SMC5: variants seen among roughly 807,000 people sequenced by gnomAD.
The protein encoded by SMC5 is structural maintenance of chromosomes protein 5.
SMC5 carries 88 observed loss-of-function variants against 148.3 expected under a neutral mutation model. The ratio of observed to expected loss-of-function variants is 0.59; its 90% CI spans 0.50 to 0.71. The LOEUF (loss-of-function observed/expected upper bound fraction) is 0.71, where lower values mean the gene tolerates loss of function less well. Ranked by LOEUF, SMC5 falls within the 30% of genes least tolerant of loss-of-function variation. SMC5 has a pLI of 0.00. For synonymous variants in SMC5, 421 were observed against 432.8 expected, an observed-to-expected ratio of 0.97 and a Z score of 0.34; for missense variants, 1,142 against 1,298.9, an observed-to-expected ratio of 0.88 and a Z score of 1.86.
chr9:70,286,490 T>C (rs535025326), intron 8 of SMC5, among the ~76,000 whole-genome samples: 4 of 152,278 alleles, frequency 2.6e-5, no homozygotes, highest in African/African-American at 9.6e-5. Flanking sequence ...CCTTATGATA[T>C]TTGTAGCTGG....
chr9:70,301,920 G>A (rs569152275), intron 10 of SMC5, among the ~76,000 whole-genome samples: 1 of 152,302 alleles, frequency 6.6e-6, no homozygotes, highest in South Asian at 2.1e-4. Flanking sequence ...ACAGAGTGCT[G>A]CGTCTCCTAT....
At chr9:70,265,361 A>G (rs1050846268) in intron 2 of SMC5, among the ~76,000 whole-genome samples, 1 of 152,186 alleles carries the variant, frequency 6.6e-6, no homozygotes, top group African/African-American at 2.4e-5. Context: ...AGGGAGGCTG[A>G]AGCAGGAGAA....
chr9:70,274,644 T>C (rs189507559), intron 3 of SMC5, among the ~76,000 whole-genome samples: 30 of 152,178 alleles, frequency 2.0e-4, no homozygotes, highest in Admixed American at 9.1e-4. Context: ...TCCTGTCTTA[T>C]TCTCTGCTTT....
Position 70,347,675 on chromosome 9 carries a change from A to C in SMC5, c.2727A>C (p.Gly909=), listed in dbSNP as rs1178647342. The C allele has an allele frequency of 6.9e-6, 11 of 1,589,488 alleles. No homozygotes were observed. Among genetic ancestry groups the C allele is most frequent in the Non-Finnish European group, 9.4e-6 (11 of 1,171,788 alleles). ...EIEQLTEELK[G]KKVELDQYRE... is the part of the protein sequence containing the mutation. ...AACAGTTAACTGAGGAACTAAAGGG[A>C]AAGAAAGTTGAACTAGATCAATACA... is the stretch of plus-strand genomic sequence containing the variant. Residue 909 remains glycine, a synonymous_variant, in exon 21 of 25, where the codon GGA becomes GGC. Transcript: ENST00000361138.
chr9:70,343,143 G>GTC (rs956885478), intron 17 of SMC5, among the ~76,000 whole-genome samples: 1 of 144,962 alleles, frequency 6.9e-6, no homozygotes, highest in Non-Finnish European at 1.5e-5. Flanking sequence ...ATTCCTTTCA[G>GTC]TCTCTTTTTT....
chr9:70,290,515 A>AG (rs2035028962), intron 8 of SMC5, among the ~76,000 whole-genome samples: 1 of 152,224 alleles, frequency 6.6e-6, no homozygotes, highest in Non-Finnish European at 1.5e-5. Context: ...TTGGATAGGA[A>AG]GAAAAAAAGT....
chr9:70,318,229 T>A (rs895960608), intron 13 of SMC5, among the ~76,000 whole-genome samples: 1 of 151,892 alleles, frequency 6.6e-6, no homozygotes, highest in Non-Finnish European at 1.5e-5. Context: ...TCTACAAAAA[T>A]TTTTTTTAAT....
At chr9:70,303,057 C>G (rs2035400468) in intron 10 of SMC5, among the ~76,000 whole-genome samples, 1 of 151,884 alleles carries the variant, frequency 6.6e-6, no homozygotes, top group Non-Finnish European at 1.5e-5. Context: ...TAGTGAGATC[C>G]TGTCTCTACA....
chr9:70,327,324 C>A (rs887331291), intron 17 of SMC5, among the ~76,000 whole-genome samples: 6 of 152,094 alleles, frequency 3.9e-5, no homozygotes, highest in African/African-American at 1.4e-4. Context: ...AATCGTATAC[C>A]CGCCATACAT....
In SMC5 at chr9:70,354,095, C is replaced by A. The variant is rs1377960357; in HGVS notation, c.*1764C>A. 2.0e-5 allele frequency: 3 copies of A among 152,122 alleles called. No individual in the cohort carries two copies. The East Asian group carries it at 5.8e-4, about 29-fold the overall frequency. The allele number at this position is 152,122 out of a possible 1,614,324, so 9.4% of individuals were successfully genotyped here. ...GTAAACATTTAATTTCTCTACTGGA[C>A]AAAATTAATATTTGGCTTTACATTG... On this transcript the variant is annotated 3_prime_UTR_variant, in exon 25 of 25. Coordinates refer to ENST00000361138, the MANE Select transcript of SMC5 (RefSeq NM_015110.4).
intron 11 of SMC5, among the ~76,000 whole-genome samples, chr9:70,307,522 A>G (rs1277115643): frequency 1.3e-5 from 2 of 151,624 alleles, no homozygotes; most frequent in East Asian, 3.9e-4. Context: ...TTTTTGAGAC[A>G]GAGTTTTGCT....
At chr9:70,278,382 G>GTT in intron 4 of SMC5, 109 bp from the exon 5 acceptor site, 1 of 1,020,694 alleles carries the variant, frequency 9.8e-7, no homozygotes, top group Non-Finnish European at 1.4e-6. Flanking sequence ...TATCTCAAAT[G>GTT]TTTTTTTTAA....
intron 22 of SMC5, 42 bp from the exon 23 acceptor site, chr9:70,350,072 C>T (rs2118851600): frequency 1.4e-6 from 2 of 1,408,284 alleles, no homozygotes; most frequent in African/African-American, 1.4e-5. Flanking sequence ...ATGACATTAC[C>T]AGAGGAAACT....
At chr9:70,279,838 A>AT (rs1196793655) in intron 5 of SMC5, among the ~76,000 whole-genome samples, 3 of 150,436 alleles carry the variant, frequency 2.0e-5, no homozygotes, top group Non-Finnish European at 3.0e-5. Context: ...AAAAAAAAAA[A>AT]GGAAATCTGT....
intron 17 of SMC5, among the ~76,000 whole-genome samples, chr9:70,326,094 C>CTA (rs1176286419): frequency 9.9e-5 from 15 of 152,028 alleles, no homozygotes; most frequent in Admixed American, 9.8e-4. Flanking sequence ...AAACATCAGT[C>CTA]ATATTATTAA....
chr9:70,269,596 C>CA (rs772263647), intron 3 of SMC5, among the ~76,000 whole-genome samples: 11 of 151,690 alleles, frequency 7.3e-5, no homozygotes, highest in Non-Finnish European at 1.5e-4. Flanking sequence ...AAAACAAAAA[C>CA]AAAAAAAGTC....
intron 3 of SMC5, among the ~76,000 whole-genome samples, chr9:70,273,689 A>C (rs1215683835): frequency 6.6e-6 from 1 of 152,096 alleles, no homozygotes; most frequent in Non-Finnish European, 1.5e-5. Context: ...TTTCTTTATG[A>C]GTTCATAATT....
chr9:70,259,037 CG>C lies in SMC5; in HGVS notation c.-40del, dbSNP rs1445975440. On this transcript the variant is annotated 5_prime_UTR_variant, in exon 1 of 25. The change creates a premature stop within an existing upstream ORF in the 5' untranslated region. Coordinates refer to ENST00000361138, the MANE Select transcript of SMC5 (RefSeq NM_015110.4). ...GCGCTTGGGCGCCTGGGCTGCCGGA[CG>C]GTGGGAACGGAAGTCGCTGTGGGAC... The C allele has an allele frequency of 6.5e-7, 1 of 1,547,072 alleles. No individual in the cohort carries two copies. Among genetic ancestry groups the C allele is most frequent in the Non-Finnish European group, 8.7e-7 (1 of 1,145,396 alleles).
chr9:70,321,149 G>T (rs2035934002), intron 15 of SMC5, among the ~76,000 whole-genome samples: 1 of 152,212 alleles, frequency 6.6e-6, no homozygotes, highest in Non-Finnish European at 1.5e-5. Flanking sequence ...TGAATGGTAG[G>T]AGAGGAGAGG....
Sources: gnomAD v4.1 joint callset for allele counts (sites outside exome capture counted in the v4.1 genomes callset) on GRCh38, gnomAD v4.1.1 for gene constraint, MANE v1.5 for transcripts, NCBI Gene and HGNC (gene_info 2026-07-23, HGNC 2026-07-21) for gene names.